The following IL1RAPL2 variants were observed in gnomAD, a reference collection of about 807,000 sequenced individuals.
IL1RAPL2 encodes the protein interleukin 1 receptor accessory protein like 2, also known as X-linked interleukin-1 receptor accessory protein-like 2.
A neutral mutation model predicts 44.1 loss-of-function variants in IL1RAPL2; 3 were observed. That is an observed-to-expected ratio of 0.07 (90% CI 0.03 to 0.18). IL1RAPL2 has a LOEUF of 0.18. Ranked by LOEUF, IL1RAPL2 falls within the 10% of genes least tolerant of loss-of-function variation. IL1RAPL2 has a pLI of 1.00. For missense variants in IL1RAPL2, 391 were observed against 496.4 expected, an observed-to-expected ratio of 0.79 and a Z score of 2.02; for synonymous variants, 181 against 178.8, an observed-to-expected ratio of 1.01 and a Z score of -0.10.
chrX:105,410,917 C>G (rs1453659693), intron 5 of IL1RAPL2, among the ~76,000 whole-genome samples: 1 of 111,580 alleles, frequency 9.0e-6, no homozygotes, highest in Non-Finnish European at 1.9e-5. Context: ...TTTCAGTCCT[C>G]TAGTATGAAA....
chrX:104,572,951 T>G (rs141280227), intron 1 of IL1RAPL2, among the ~76,000 whole-genome samples: 1,381 of 112,058 alleles, frequency 0.012, 31 homozygotes, highest in African/African-American at 0.042. Flanking sequence ...CCCCCTTTTA[T>G]GATATTTACC....
chrX:104,991,718 G>A (rs1443909298), intron 2 of IL1RAPL2, among the ~76,000 whole-genome samples: 2 of 111,788 alleles, frequency 1.8e-5, no homozygotes, highest in Admixed American at 1.9e-4. Context: ...AGGCTCTAGG[G>A]AATTCAGAAA....
At chrX:104,604,752 A>G (rs1015467110) in intron 1 of IL1RAPL2, among the ~76,000 whole-genome samples, 1 of 110,931 alleles carries the variant, frequency 9.0e-6, no homozygotes, top group African/African-American at 3.3e-5. Context: ...AAAGGGATCA[A>G]TGCAGCAAAA....
intron 2 of IL1RAPL2, among the ~76,000 whole-genome samples, chrX:104,723,735 C>T (rs1351364715): frequency 3.6e-5 from 4 of 110,599 alleles, no homozygotes; most frequent in Non-Finnish European, 7.6e-5. Context: ...GCTTACAATT[C>T]GTTTGTGTTT....
chrX:105,027,860 G>T (rs1286795565), intron 2 of IL1RAPL2, among the ~76,000 whole-genome samples: 1 of 111,533 alleles, frequency 9.0e-6, no homozygotes, highest in Non-Finnish European at 1.9e-5. Context: ...TCAGTATATT[G>T]AAGAGATATC....
chrX:105,154,712 C>A (rs530408984), intron 2 of IL1RAPL2, among the ~76,000 whole-genome samples: 1 of 110,941 alleles, frequency 9.0e-6, no homozygotes, highest in African/African-American at 3.3e-5. Flanking sequence ...TCTTGTTCTC[C>A]CTTTTATTTT....
intron 1 of IL1RAPL2, chrX:104,647,596 A>T (rs1930067952): frequency 3.8e-6 from 2 of 520,686 alleles, no homozygotes; most frequent in Non-Finnish European, 3.5e-6. Context: ...GTTCTCCAGC[A>T]TCAAAGTGAG....
At chrX:105,671,667 T>C (rs144329782) in intron 6 of IL1RAPL2, among the ~76,000 whole-genome samples, 2,916 of 111,631 alleles carry the variant, frequency 0.026, 93 homozygotes, top group African/African-American at 0.09. Context: ...CTGTTAGAGG[T>C]ACACCCAACT....
chrX:104,705,701 G>A (rs1602689280), intron 2 of IL1RAPL2, among the ~76,000 whole-genome samples: 2 of 111,307 alleles, frequency 1.8e-5, no homozygotes, highest in African/African-American at 6.5e-5. Flanking sequence ...GGTTTCCTGA[G>A]ACCCGATAGC....
chrX:105,513,895 G>A (rs2036491600), intron 6 of IL1RAPL2, among the ~76,000 whole-genome samples: 2 of 111,028 alleles, frequency 1.8e-5, no homozygotes, highest in Admixed American at 1.9e-4. Flanking sequence ...GGATTTTTAT[G>A]GTTTTAAGTC....
chrX:105,500,453 A>G (rs1404008262), intron 6 of IL1RAPL2, among the ~76,000 whole-genome samples: 1 of 111,298 alleles, frequency 9.0e-6, no homozygotes, highest in Non-Finnish European at 1.9e-5. Flanking sequence ...ACCTTGTCTT[A>G]TATAATGTGC....
At chrX:104,647,564 A>G (rs1930067005) in intron 1 of IL1RAPL2, 1 of 513,256 alleles carries the variant, frequency 1.9e-6, no homozygotes, top group Non-Finnish European at 3.5e-6. Flanking sequence ...CTGCCTGGAG[A>G]GCAGCTCTCT....
chrX:105,347,917 C>T (rs2035123411), intron 5 of IL1RAPL2, among the ~76,000 whole-genome samples: 1 of 111,324 alleles, frequency 9.0e-6, no homozygotes, highest in Non-Finnish European at 1.9e-5. Flanking sequence ...TGCTCCCAGT[C>T]GAGGACCACT....
At position 105,219,220 on chromosome X, in the gene IL1RAPL2, G is replaced by A. The variant is rs1556173232; in HGVS notation, c.357-14598G>A. On this transcript the variant is annotated intron_variant, in intron 3 of 10. Coordinates refer to ENST00000372582, the MANE Select transcript of IL1RAPL2 (RefSeq NM_017416.2). ...AGGCAGCTGAGGCGGAACTGGTGCT[G>A]TGACTGTTGCTTGTGGAGGGGATAT... The A allele has an allele frequency of 4.1e-6, 5 of 1,211,153 alleles. No homozygotes were observed. The East Asian group carries it at 1.5e-4, about 36-fold the overall frequency.
chrX:105,406,100 G>C, intron 5 of IL1RAPL2: 3 of 1,194,443 alleles, frequency 2.5e-6, no homozygotes, highest in African/African-American at 1.7e-5. Context: ...CTTTTTGAGA[G>C]AGCAGCTGGG....
intron 1 of IL1RAPL2, among the ~76,000 whole-genome samples, chrX:104,598,231 C>T (rs775622341): frequency 8.9e-6 from 1 of 111,934 alleles, no homozygotes; most frequent in African/African-American, 3.2e-5. Context: ...TTGTATTACA[C>T]ATTTTTTGTT....
chrX:105,116,720 T>C (rs2032866395), intron 2 of IL1RAPL2, among the ~76,000 whole-genome samples: 1 of 112,672 alleles, frequency 8.9e-6, no homozygotes, highest in African/African-American at 3.2e-5. Flanking sequence ...TAAAAAAATA[T>C]TTGTTTTGCA....
At chrX:104,663,667 G>T (rs1325405152) in intron 2 of IL1RAPL2, among the ~76,000 whole-genome samples, 1 of 107,657 alleles carries the variant, frequency 9.3e-6, no homozygotes, top group Non-Finnish European at 1.9e-5. Flanking sequence ...GGAGGAAAAT[G>T]GATCTTTGAA....
intron 6 of IL1RAPL2, among the ~76,000 whole-genome samples, chrX:105,574,173 A>C (rs1177281044): frequency 8.9e-6 from 1 of 112,214 alleles, no homozygotes; most frequent in Non-Finnish European, 1.9e-5. Context: ...TACTGAGTTC[A>C]CTCGTGACCT....
Sources: allele counts gnomAD v4.1 joint callset (sites outside exome capture counted in the v4.1 genomes callset), GRCh38; gene constraint gnomAD v4.1.1; transcripts MANE v1.5; gene names NCBI Gene and HGNC (gene_info 2026-07-23, HGNC 2026-07-21).